The following IER3IP1 variants were observed in gnomAD, a reference collection of about 807,000 sequenced individuals.
IER3IP1 encodes the protein immediate early response 3-interacting protein 1.
A neutral mutation model predicts 12.2 loss-of-function variants in IER3IP1; 16 were observed. The ratio of observed to expected loss-of-function variants is 1.31; its 90% confidence interval spans 0.89 to 1.99. IER3IP1 has a LOEUF of 1.99. Ranked by LOEUF, IER3IP1 falls within the 30% of genes most tolerant of loss-of-function variation. The pLI, the probability that IER3IP1 is intolerant of heterozygous loss-of-function variation, is 0.00. For missense variants in IER3IP1, 95 were observed against 95.8 expected (o/e 0.99, Z 0.03); for synonymous variants, 42 against 40.0 (o/e 1.05, Z -0.19).
Position 47,176,316 on chromosome 18 carries a change from TC to T in IER3IP1, c.-40del. Reference sequence around the variant, plus strand: ...CGCCCCGAAGTCCAAGCGATTTCTCTCCCGCCGCCGCAAGGGACGTGGCGCC... The same window carrying T: ...CGCCCCGAAGTCCAAGCGATTTCTCTCCGCCGCCGCAAGGGACGTGGCGCC... On this transcript the variant is annotated 5_prime_UTR_variant, in exon 1 of 3. Coordinates refer to ENST00000256433, the MANE Select transcript of IER3IP1 (RefSeq NM_016097.5). 1 of 1,541,800 alleles carries T rather than the reference TC, an allele frequency of 6.5e-7. No homozygotes were observed.
intron 2 of IER3IP1, 112 bp downstream of exon 2, chr18:47,157,320 TAAAG>T: frequency 1.2e-6 from 1 of 837,358 alleles, no homozygotes; most frequent in Non-Finnish European, 2.0e-6. Context: ...AAAGCCATGT[TAAAG>T]AGAAAAAAAA....
At chr18:47,166,697 G>A (rs1468319154) in intron 1 of IER3IP1, among the ~76,000 whole-genome samples, 1 of 152,078 alleles carries the variant, frequency 6.6e-6, no homozygotes, top group Admixed American at 6.5e-5. Context: ...CTGGAGGCAG[G>A]ATGACCAGTA....
At chr18:47,158,330 CT>C (rs981030563) in intron 1 of IER3IP1, among the ~76,000 whole-genome samples, 1 of 151,212 alleles carries the variant, frequency 6.6e-6, no homozygotes. Context: ...GTATTTCTTT[CT>C]TTTTTTTTAA....
chr18:47,174,269 C>T (rs765871276), intron 1 of IER3IP1, among the ~76,000 whole-genome samples: 3 of 152,194 alleles, frequency 2.0e-5, no homozygotes, highest in Non-Finnish European at 4.4e-5. Flanking sequence ...CACTGGAAAA[C>T]AGAAACTCTC....
At chr18:47,174,603 A>C (rs1190260879) in intron 1 of IER3IP1, among the ~76,000 whole-genome samples, 2 of 151,630 alleles carry the variant, frequency 1.3e-5, no homozygotes, top group Non-Finnish European at 2.9e-5. Flanking sequence ...TGGGAGGCGG[A>C]GGATGCAGTG....
chr18:47,157,182 T>G, intron 2 of IER3IP1: 1 of 478,534 alleles, frequency 2.1e-6, no homozygotes, highest in Non-Finnish European at 3.7e-6. Flanking sequence ...GTCTTTTAGC[T>G]CTGACAGGTA....
At chr18:47,176,072 G>GCC (rs779458751) in intron 1 of IER3IP1, 115 bp downstream of exon 1, 46 of 868,944 alleles carry the variant, frequency 5.3e-5, no homozygotes, top group African/African-American at 8.3e-5. Flanking sequence ...TCCAAGCCGA[G>GCC]CCTTCCGCTG....
At chr18:47,162,858 A>G (rs923675255) in intron 1 of IER3IP1, among the ~76,000 whole-genome samples, 1 of 152,160 alleles carries the variant, frequency 6.6e-6, no homozygotes, top group Non-Finnish European at 1.5e-5. Flanking sequence ...AGAATGCTAT[A>G]TCTACATCAC....
intron 1 of IER3IP1, among the ~76,000 whole-genome samples, chr18:47,158,977 A>G (rs1599993666): frequency 6.6e-6 from 1 of 151,926 alleles, no homozygotes; most frequent in Admixed American, 6.6e-5. Flanking sequence ...AATTTTTTTT[A>G]AAGAGGCAAA....
rs2064017551 is a variant in IER3IP1 at position 47,172,128 on chromosome 18, T to C, written c.91+4059A>G. Among the ~76,000 whole-genome samples, 1 of 152,156 alleles carries C rather than the reference T, an allele frequency of 6.6e-6. No individual in the cohort carries two copies. The highest frequency in any genetic ancestry group is 6.6e-5 in the Admixed American group (1 of 15,264). ...AAAACATTTTGTGTATATGCCTCAC[T>C]GATCATCCCCTCCTCCACTCTCTTC... On this transcript the variant is annotated intron_variant, in intron 1 of 2. Transcript: ENST00000256433. This position sits in a 1 kb window ranked among gnomAD's most constrained non-coding sequence, Gnocchi z 4.0.
Position 47,155,901 on chromosome 18 carries a change from A to G in IER3IP1, c.*276T>C. ...AGCAACAGTCTTGCACCCTTTTAACAATCTCACCACAGCATGAACTACTAT... is the reference window on the plus strand; with the variant it reads ...AGCAACAGTCTTGCACCCTTTTAACGATCTCACCACAGCATGAACTACTAT... On this transcript the variant is annotated 3_prime_UTR_variant, in exon 3 of 3. Coordinates refer to ENST00000256433, the MANE Select transcript of IER3IP1 (RefSeq NM_016097.5). 1 of 309,132 alleles carries G rather than the reference A, an allele frequency of 3.2e-6. No homozygotes were observed. Among genetic ancestry groups the G allele is most frequent in the Non-Finnish European group, 5.9e-6 (1 of 169,124 alleles). 19.1% of individuals were successfully genotyped at this position (309,132 alleles called of 1,614,324 possible). A position where few individuals can be genotyped will look rare whatever the true frequency, so the allele number is the denominator to read the frequency against.
chr18:47,157,273 GAAA>G (rs35638006), intron 2 of IER3IP1, 160 bp downstream of exon 2: 23 of 502,550 alleles, frequency 4.6e-5, no homozygotes, highest in African/African-American at 7.0e-5. Context: ...AGCAAACTAA[GAAA>G]AAAAAAAAAA....
chr18:47,166,415 G>T (rs554771568), intron 1 of IER3IP1, among the ~76,000 whole-genome samples: 1 of 152,282 alleles, frequency 6.6e-6, no homozygotes, highest in African/African-American at 2.4e-5. Context: ...AATGCCAGAG[G>T]TAGGTCTTAA....
chr18:47,159,835 G>T (rs2063974065), intron 1 of IER3IP1, among the ~76,000 whole-genome samples: 1 of 151,846 alleles, frequency 6.6e-6, no homozygotes, highest in African/African-American at 2.4e-5. Flanking sequence ...TTTTCTAGGT[G>T]GCACTTGCTC....
In IER3IP1 at chr18:47,153,084, T is replaced by C. The variant is rs776298116; in HGVS notation, c.*3093A>G. On this transcript the variant is annotated 3_prime_UTR_variant, in exon 3 of 3. Coordinates refer to ENST00000256433, the MANE Select transcript of IER3IP1 (RefSeq NM_016097.5). Reference sequence around the variant, plus strand: ...GAAATATCTTGCCTCCTAGTCTTTTTACTAGTCAAATATCTTGCTTTCTCT... The same window carrying C: ...GAAATATCTTGCCTCCTAGTCTTTTCACTAGTCAAATATCTTGCTTTCTCT... 3 of 152,216 alleles carry C rather than the reference T, an allele frequency of 2.0e-5. No homozygotes were observed. The highest frequency in any genetic ancestry group is 4.4e-5 in the Non-Finnish European group (3 of 68,038). The allele number at this position is 152,216 out of a possible 1,614,324, so 9.4% of individuals were successfully genotyped here.
chr18:47,169,851 T>C (rs1322337472), intron 1 of IER3IP1, among the ~76,000 whole-genome samples: 1 of 152,146 alleles, frequency 6.6e-6, no homozygotes, highest in Non-Finnish European at 1.5e-5. Flanking sequence ...TGGATAGAAA[T>C]CACTCATTAG....
At chr18:47,170,490 T>C (rs1386239905) in intron 1 of IER3IP1, among the ~76,000 whole-genome samples, 1 of 151,998 alleles carries the variant, frequency 6.6e-6, no homozygotes, top group Non-Finnish European at 1.5e-5. Flanking sequence ...TATTAAGTAC[T>C]ATCATCTTAA....
chr18:47,166,096 A>G (rs1404752476), intron 1 of IER3IP1, among the ~76,000 whole-genome samples: 1 of 152,138 alleles, frequency 6.6e-6, no homozygotes, highest in East Asian at 1.9e-4. Flanking sequence ...CCACTTCATT[A>G]TGTGGCATTT....
chr18:47,155,928 A>C lies in IER3IP1; in HGVS notation c.*249T>G, dbSNP rs1468967285. The stretch of plus-strand genomic sequence containing the variant: ...TCTCACCACAGCATGAACTACTATT[A>C]ACACTGAGCAATCAGATATTCCAGT... On this transcript the variant is annotated 3_prime_UTR_variant, in exon 3 of 3. Coordinates refer to ENST00000256433, the MANE Select transcript of IER3IP1 (RefSeq NM_016097.5). 2.3e-6 allele frequency: 1 copy of C among 439,756 alleles called. No homozygotes were observed. Among genetic ancestry groups the C allele is most frequent in the Non-Finnish European group, 4.0e-6 (1 of 246,996 alleles). 27.2% of individuals were successfully genotyped at this position (439,756 alleles called of 1,614,324 possible). A position where few individuals can be genotyped will look rare whatever the true frequency, so the allele number is the denominator to read the frequency against.
Sources: allele counts gnomAD v4.1 joint callset (sites outside exome capture counted in the v4.1 genomes callset), GRCh38; gene constraint gnomAD v4.1.1; non-coding constraint Gnocchi (gnomAD v3.1); transcripts MANE v1.5; gene names NCBI Gene and HGNC (gene_info 2026-07-23, HGNC 2026-07-21).